Variants in THNSL1 observed in about 807,000 individuals in gnomAD.
The protein encoded by THNSL1 is threonine synthase-like 1.
Under a neutral mutation model 50.4 loss-of-function variants are expected in THNSL1, and 48 were observed. The observed-to-expected ratio is 0.95, with a 90% CI of 0.76 to 1.21. The LOEUF is 1.21. Among genes scored for constraint, THNSL1 ranks in the 50% most tolerant of loss-of-function variants. The pLI, the probability that THNSL1 is intolerant of heterozygous loss-of-function variation, is 0.00. For missense variants in THNSL1, 896 were observed against 871.7 expected, an observed-to-expected ratio of 1.03 and a Z score of -0.35; for synonymous variants, 309 against 306.1, an observed-to-expected ratio of 1.01 and a Z score of -0.10.
the THNSL1 span, chr10:24,990,705 C>T: frequency 1.6e-6 from 2 of 1,235,288 alleles, no homozygotes; most frequent in Non-Finnish European, 2.2e-6. Flanking sequence ...AGAAATGGTA[C>T]AGACTAAATC....
upstream of THNSL1, among the ~76,000 whole-genome samples, chr10:25,012,300 A>G (rs1455801031): frequency 6.6e-6 from 1 of 152,230 alleles, no homozygotes; most frequent in Non-Finnish European, 1.5e-5. Context: ...AGCCCCCCAC[A>G]CAGAATTCCC....
chr10:24,984,227 G>T, the THNSL1 span: 1 of 895,004 alleles, frequency 1.1e-6, no homozygotes, highest in Non-Finnish European at 1.7e-6. Context: ...AACTGCAAAT[G>T]TCATGGGCCA....
the THNSL1 span, among the ~76,000 whole-genome samples, chr10:24,972,116 C>T: frequency 6.6e-6 from 1 of 151,736 alleles, no homozygotes; most frequent in Non-Finnish European, 1.5e-5. Context: ...CACTTAAACC[C>T]AGGAGGTGGA....
chr10:24,979,456 C>G, the THNSL1 span, among the ~76,000 whole-genome samples: 1 of 152,190 alleles, frequency 6.6e-6, no homozygotes, highest in East Asian at 1.9e-4. Context: ...TTCCCATTGT[C>G]AAGGATCTAC....
chr10:24,960,487 A>G, the THNSL1 span, among the ~76,000 whole-genome samples: 52 of 151,678 alleles, frequency 3.4e-4, no homozygotes, highest in African/African-American at 1.2e-3. Context: ...GAGTGCATGG[A>G]GCAATCTCAG....
the THNSL1 span, among the ~76,000 whole-genome samples, chr10:24,994,609 G>A: frequency 6.6e-6 from 1 of 152,116 alleles, no homozygotes; most frequent in African/African-American, 2.4e-5. Flanking sequence ...GATTACAGTT[G>A]TGAGCCACTG....
the THNSL1 span, among the ~76,000 whole-genome samples, chr10:25,002,730 G>GC: frequency 3.3e-5 from 5 of 151,890 alleles, no homozygotes; most frequent in Non-Finnish European, 7.4e-5. Flanking sequence ...AAACATTATT[G>GC]TTTTTTTCCT....
the THNSL1 span, among the ~76,000 whole-genome samples, chr10:24,964,548 A>C: frequency 2.6e-5 from 4 of 152,150 alleles, no homozygotes; most frequent in African/African-American, 9.7e-5. Context: ...AAAATCAATC[A>C]TTTCCATTTT....
the THNSL1 span, chr10:24,999,316 T>G: frequency 2.3e-6 from 3 of 1,314,852 alleles, no homozygotes; most frequent in Non-Finnish European, 3.1e-6. Flanking sequence ...CACCTGTGCA[T>G]GTTTAATATT....
the THNSL1 span, among the ~76,000 whole-genome samples, chr10:24,979,297 T>C: frequency 6.6e-6 from 1 of 152,246 alleles, no homozygotes; most frequent in African/African-American, 2.4e-5. Context: ...CTGGTATTAA[T>C]GGCATTAACA....
chr10:25,011,605 C>T, the THNSL1 span, among the ~76,000 whole-genome samples: 7 of 152,158 alleles, frequency 4.6e-5, no homozygotes, highest in African/African-American at 1.2e-4. Context: ...AAGACTTAAA[C>T]GTTAGACCTG....
the THNSL1 span, among the ~76,000 whole-genome samples, chr10:24,964,187 G>A: frequency 1.3e-5 from 2 of 152,226 alleles, no homozygotes; most frequent in Admixed American, 6.5e-5. Context: ...GTGGCTGGGG[G>A]TAGAGGGTGA....
chr10:24,952,946 A>G, the THNSL1 span, among the ~76,000 whole-genome samples: 1 of 151,926 alleles, frequency 6.6e-6, no homozygotes, highest in African/African-American at 2.4e-5. This position sits in a 1 kb window ranked among gnomAD's most constrained non-coding sequence, Gnocchi z 5.1. Context: ...ACTCTGGAGC[A>G]GGAAGCCCGC....
At chr10:24,972,477 C>A in the THNSL1 span, among the ~76,000 whole-genome samples, 1 of 150,550 alleles carries the variant, frequency 6.6e-6, no homozygotes, top group Non-Finnish European at 1.5e-5. Context: ...CACTGCACTC[C>A]AGTCTGGGTG....
the THNSL1 span, among the ~76,000 whole-genome samples, chr10:25,009,171 G>A: frequency 6.6e-6 from 1 of 151,960 alleles, no homozygotes; most frequent in Non-Finnish European, 1.5e-5. Flanking sequence ...TGAGTTAATG[G>A]GTGCAACACA....
At chr10:25,013,764 G>A (rs1850503839), upstream of THNSL1, among the ~76,000 whole-genome samples, 1 of 152,116 alleles carries the variant, frequency 6.6e-6, no homozygotes, top group African/African-American at 2.4e-5. Context: ...CCACCATGGT[G>A]AAACCCCATC....
the THNSL1 span, chr10:24,984,563 C>G: frequency 2.9e-6 from 3 of 1,039,462 alleles, no homozygotes; most frequent in African/African-American, 4.9e-5. Flanking sequence ...AAAATTTCTT[C>G]TTGTGTAAGT....
the THNSL1 span, among the ~76,000 whole-genome samples, chr10:24,967,686 G>T: frequency 1.3e-5 from 2 of 151,162 alleles, no homozygotes; most frequent in African/African-American, 4.9e-5. Context: ...TGTATGATGT[G>T]TCCATATGTG....
At chr10:24,969,090 C>T in the THNSL1 span, among the ~76,000 whole-genome samples, 3 of 152,148 alleles carry the variant, frequency 2.0e-5, no homozygotes, top group African/African-American at 7.2e-5. Flanking sequence ...GACAAGGTTT[C>T]ACCATGTTGG....
Sources: gnomAD v4.1 joint callset for allele counts (sites outside exome capture counted in the v4.1 genomes callset) on GRCh38, gnomAD v4.1.1 for gene constraint, Gnocchi (gnomAD v3.1) non-coding constraint, MANE v1.5 for transcripts, NCBI Gene and HGNC (gene_info 2026-07-23, HGNC 2026-07-21) for gene names.